Variants in SYPL1 observed in about 807,000 individuals in gnomAD.
SYPL1 encodes synaptophysin-like protein 1.
A neutral mutation model predicts 23.7 loss-of-function variants in SYPL1; 6 were observed. The ratio of observed to expected loss-of-function variants is 0.25; its 90% CI spans 0.14 to 0.50. The LOEUF (loss-of-function observed/expected upper bound fraction) is 0.50, where lower values mean the gene tolerates loss of function less well. SYPL1 is among the 20% of genes least tolerant of loss of function. The pLI is 0.98. For missense variants in SYPL1, 253 were observed against 288.9 expected, an observed-to-expected ratio of 0.88 and a Z score of 0.90; for synonymous variants, 102 against 104.5, an observed-to-expected ratio of 0.98 and a Z score of 0.15.
chr7:106,108,489 G>A (rs1350038511), intron 1 of SYPL1, among the ~76,000 whole-genome samples: 1 of 151,986 alleles, frequency 6.6e-6, no homozygotes, highest in Non-Finnish European at 1.5e-5. Flanking sequence ...GGTCATTTCT[G>A]CTTGGCCTTC....
intron 1 of SYPL1, among the ~76,000 whole-genome samples, chr7:106,101,248 G>A (rs557966684): frequency 6.6e-6 from 1 of 152,172 alleles, no homozygotes; most frequent in South Asian, 2.1e-4. Context: ...AAGAGGTCAG[G>A]GGCTTCGTTT....
chr7:106,108,023 C>T (rs1284703680), intron 1 of SYPL1, among the ~76,000 whole-genome samples: 17 of 152,056 alleles, frequency 1.1e-4, no homozygotes, highest in Admixed American at 4.6e-4. Context: ...GGTGAAACCC[C>T]GTCTCTACTA....
At chr7:106,107,150 T>A (rs1325382159) in intron 1 of SYPL1, among the ~76,000 whole-genome samples, 2 of 152,244 alleles carry the variant, frequency 1.3e-5, no homozygotes, top group Non-Finnish European at 2.9e-5. Flanking sequence ...ATGCTGGTTT[T>A]AAGTCAAATG....
At chr7:106,093,492 G>A (rs1839867203) in intron 3 of SYPL1, among the ~76,000 whole-genome samples, 2 of 152,092 alleles carry the variant, frequency 1.3e-5, no homozygotes, top group South Asian at 4.2e-4. Context: ...TCCATACTCT[G>A]TTTTGATCAT....
At chr7:106,108,496 C>G (rs1388900777) in intron 1 of SYPL1, among the ~76,000 whole-genome samples, 2 of 152,088 alleles carry the variant, frequency 1.3e-5, no homozygotes, top group African/African-American at 4.8e-5. Flanking sequence ...TCTGCTTGGC[C>G]TTCTGAGTCC....
intron 1 of SYPL1, among the ~76,000 whole-genome samples, chr7:106,111,346 AG>A (rs1172881770): frequency 2.0e-5 from 3 of 152,264 alleles, no homozygotes; most frequent in Non-Finnish European, 4.4e-5. Flanking sequence ...CGAAGTTTGA[AG>A]GAAGCCCGCA....
Position 106,099,299 on chromosome 7 carries a change from G to A in SYPL1, c.70-17C>T. ...AGAAGCAATCTACACAAAGTAAGAT[G>A]AAAAAAGACAAAAGAAAAAAAAGAT... On this transcript the variant is annotated splice_polypyrimidine_tract_variant and intron_variant, in intron 1 of 4. Coordinates refer to ENST00000455385, the MANE Select transcript of SYPL1 (RefSeq NM_182715.4). 1 of 1,588,088 alleles carries A rather than the reference G, an allele frequency of 6.3e-7. No homozygotes were observed. Among genetic ancestry groups the A allele is most frequent in the Non-Finnish European group, 8.5e-7 (1 of 1,172,622 alleles).
chr7:106,108,824 A>T (rs1789995911), intron 1 of SYPL1, among the ~76,000 whole-genome samples: 2 of 151,798 alleles, frequency 1.3e-5, no homozygotes, highest in Admixed American at 1.3e-4. Context: ...TGGTCTGTGG[A>T]CCCCTGAAAG....
intron 1 of SYPL1, among the ~76,000 whole-genome samples, chr7:106,102,353 C>T (rs147932966): frequency 0.028 from 4,191 of 152,308 alleles, 99 homozygotes; most frequent in Non-Finnish European, 0.041. Context: ...GCCTTGGCCT[C>T]CCAAAGTGCT....
At chr7:106,098,029 A>C in intron 2 of SYPL1, 132 bp from the exon 3 acceptor site, 1 of 729,698 alleles carries the variant, frequency 1.4e-6, no homozygotes, top group Non-Finnish European at 2.2e-6. Context: ...AAAAAGTAAA[A>C]TTCAAATATT....
chr7:106,103,824 C>G (rs905071899), intron 1 of SYPL1, among the ~76,000 whole-genome samples: 1 of 152,112 alleles, frequency 6.6e-6, no homozygotes, highest in African/African-American at 2.4e-5. Context: ...TAGAATGATG[C>G]CAAACTGATC....
chr7:106,098,025 T>G, intron 2 of SYPL1, 128 bp from the exon 3 acceptor site: 1 of 760,416 alleles, frequency 1.3e-6, no homozygotes, highest in African/African-American at 1.8e-5. Context: ...GGGAAAAAAG[T>G]AAAATTCAAA....
At chr7:106,111,966 C>A in intron 1 of SYPL1, 174 bp downstream of exon 1, 2 of 829,288 alleles carry the variant, frequency 2.4e-6, no homozygotes, top group Non-Finnish European at 1.5e-6. Flanking sequence ...GTCTCCGCCC[C>A]GCGCGGCCCA....
Position 106,097,789 on chromosome 7 carries a change from A to G in SYPL1, c.303T>C (p.Val101=). Residue 101 remains valine, a synonymous_variant, in exon 3 of 5, where the codon GTT becomes GTC. Transcript: ENST00000455385. This position sits in a 1 kb window ranked among gnomAD's most constrained non-coding sequence, Gnocchi z 4.6. The part of the protein sequence containing the change: ...GDYSSSAQFY[V]TFAVFVFLYC... The stretch of plus-strand genomic sequence containing the variant: ...ACAGGAACACAAAGACTGCAAAGGT[A>G]ACATAGAATTGTGCAGAAGAAGAGT... 2 of 1,614,112 alleles carry G rather than the reference A, an allele frequency of 1.2e-6. No homozygotes were observed. Among genetic ancestry groups the G allele is most frequent in the Non-Finnish European group, 1.7e-6 (2 of 1,179,966 alleles).
chr7:106,106,976 C>G (rs2116194013), intron 1 of SYPL1, among the ~76,000 whole-genome samples: 1 of 152,328 alleles, frequency 6.6e-6, no homozygotes, highest in East Asian at 1.9e-4. Context: ...TTACACGTTT[C>G]TAGTTGCAGG....
In SYPL1 at chr7:106,112,231, A is replaced by T; in HGVS notation, c.-23T>A. The T allele has an allele frequency of 1.3e-6, 2 of 1,529,460 alleles. No homozygotes were observed. The highest frequency in any genetic ancestry group is 1.8e-6 in the Non-Finnish European group (2 of 1,129,612). The allele number at this position is 1,529,460 out of a possible 1,614,324, so 94.7% of individuals were successfully genotyped here. The stretch of plus-strand genomic sequence containing the variant: ...CATCCTCTGAGGAAAGGAGGGAGAG[A>T]GAGTCAGGACGACGGGGCGGAGGAG... On this transcript the variant is annotated 5_prime_UTR_variant, in exon 1 of 5. Transcript: ENST00000455385.
Position 106,112,223 on chromosome 7 carries a change from AG to A in SYPL1, c.-16del. The A allele has an allele frequency of 6.5e-7, 1 of 1,531,392 alleles. No individual in the cohort carries two copies. The highest frequency in any genetic ancestry group is 1.4e-5 in the African/African-American group (1 of 70,718). The allele number at this position is 1,531,392 out of a possible 1,614,324, so 94.9% of individuals were successfully genotyped here. Reference sequence around the variant, plus strand: ...AAGCCGGACATCCTCTGAGGAAAGGAGGGAGAGAGAGTCAGGACGACGGGGC... The same window carrying A: ...AAGCCGGACATCCTCTGAGGAAAGGAGGAGAGAGAGTCAGGACGACGGGGC... On this transcript the variant is annotated 5_prime_UTR_variant, in exon 1 of 5. Transcript: ENST00000455385.
At chr7:106,108,783 A>T (rs1163804443) in intron 1 of SYPL1, among the ~76,000 whole-genome samples, 3 of 152,160 alleles carry the variant, frequency 2.0e-5, no homozygotes. Flanking sequence ...TCTGGTCCCC[A>T]GTGGTGTTTA....
chr7:106,092,627 C>T (rs184053646), intron 4 of SYPL1: 98 of 365,054 alleles, frequency 2.7e-4, no homozygotes, highest in Non-Finnish European at 4.7e-4. Flanking sequence ...GTGCCGAGAT[C>T]ATGCCACTGC....
Sources: gnomAD v4.1 joint callset for allele counts (sites outside exome capture counted in the v4.1 genomes callset) on GRCh38, gnomAD v4.1.1 for gene constraint, Gnocchi (gnomAD v3.1) non-coding constraint, MANE v1.5 for transcripts, NCBI Gene and HGNC (gene_info 2026-07-23, HGNC 2026-07-21) for gene names.